Variants in SAMD12 observed in about 807,000 individuals in gnomAD.
SAMD12 encodes sterile alpha motif domain containing 12.
SAMD12 carries 9 observed loss-of-function variants against 15.0 expected under a neutral mutation model. The observed-to-expected ratio is 0.60, with a 90% CI of 0.36 to 1.05. The LOEUF is 1.05. Among genes scored for constraint, SAMD12 ranks in the 50% least tolerant of loss-of-function variants. The probability of loss-of-function intolerance (pLI) is 0.01; values close to 1 mark genes in which losing one functional copy is unlikely to be tolerated. For missense variants in SAMD12, 230 were observed against 234.2 expected (o/e 0.98, Z 0.12); for synonymous variants, 86 against 90.1 (o/e 0.96, Z 0.25).
chr8:118,580,797 G>T lies in SAMD12; in HGVS notation c.110C>A (p.Ser37Tyr), dbSNP rs759426370. 9.3e-6 allele frequency: 15 copies of T among 1,612,638 alleles called. No homozygotes were observed. Among genetic ancestry groups the T allele is most frequent in the Admixed American group, 5.0e-5 (3 of 59,938 alleles). Reference protein sequence around the residue: ...QIEGEGVESQSIKNKNFQKVP... With the variant: ...QIEGEGVESQYIKNKNFQKVP... ...CTTCTGGAAATTTTTATTTTTAATG[G>T]ATTGAGATTCCACACCTTCACCTTC... is the stretch of plus-strand genomic sequence containing the variant. The change falls in exon 2 of 4, where the codon TCC becomes TAC. Residue 37 changes from serine (S) to tyrosine (Y), a missense_variant. Transcript: ENST00000314727.
chr8:118,423,072 C>T (rs571989571), intron 3 of SAMD12, among the ~76,000 whole-genome samples: 99 of 152,248 alleles, frequency 6.5e-4, no homozygotes, highest in African/African-American at 1.9e-3. Context: ...CCCAGGTACT[C>T]GGGAGGCTGT....
rs955053261 is a variant in SAMD12, at chr8:118,434,808, A to C, written c.322+5024T>G. ...GTTCTAACCGTCTTATTCTTTTTAA[A>C]GTGTGCTTCTGGCCGGGCGCGGTGG... On this transcript the variant is annotated intron_variant, in intron 3 of 3. Transcript: ENST00000314727. 2.6e-5 allele frequency among the ~76,000 whole-genome samples: 4 copies of C among 151,928 alleles called. 1 individual carries two copies. Among genetic ancestry groups the C allele is most frequent in the African/African-American group, 9.7e-5 (4 of 41,402 alleles).
chr8:118,249,791 T>C (rs1812778890), intron 4 of SAMD12, among the ~76,000 whole-genome samples: 1 of 152,144 alleles, frequency 6.6e-6, no homozygotes, highest in African/African-American at 2.4e-5. Flanking sequence ...CTTAGAGTGA[T>C]TTTAGATGCA....
chr8:118,313,491 G>A (rs1020527096), intron 4 of SAMD12, among the ~76,000 whole-genome samples: 2 of 152,066 alleles, frequency 1.3e-5, no homozygotes, highest in Non-Finnish European at 1.5e-5. Flanking sequence ...TACCTGCAGT[G>A]ACTCTATTGG....
intron 4 of SAMD12, among the ~76,000 whole-genome samples, chr8:118,250,215 A>G (rs1323474319): frequency 4.6e-5 from 7 of 152,146 alleles, no homozygotes; most frequent in Admixed American, 4.6e-4. Flanking sequence ...AGTCCCATGG[A>G]ATAGAGATAA....
At chr8:118,618,470 A>C (rs551027238) in intron 1 of SAMD12, among the ~76,000 whole-genome samples, 4 of 152,336 alleles carry the variant, frequency 2.6e-5, no homozygotes, top group African/African-American at 9.6e-5. Flanking sequence ...TCCTAAGAGA[A>C]GGGATGAGAG....
intron 2 of SAMD12, among the ~76,000 whole-genome samples, chr8:118,506,914 G>T (rs1194769009): frequency 6.6e-6 from 1 of 151,906 alleles, no homozygotes; most frequent in Non-Finnish European, 1.5e-5. Context: ...TCATGAAGCT[G>T]TCTGGCAGTA....
At chr8:118,228,922 T>C (rs1563705560) in intron 4 of SAMD12, among the ~76,000 whole-genome samples, 1 of 152,160 alleles carries the variant, frequency 6.6e-6, no homozygotes, top group East Asian at 1.9e-4. Context: ...ATAAGGAAAC[T>C]GTGGTACATA....
In SAMD12 at chr8:118,398,872, G is replaced by GT. The variant is rs149842555; in HGVS notation, c.323-19173dup. ...GTATCAGTTATACTTCCATAAAGCT[G>GT]TTTTTTTTGTGTGTGTTTGTTTTTG... is the stretch of plus-strand genomic sequence containing the variant. On this transcript the variant is annotated intron_variant, in intron 3 of 3. Transcript: ENST00000314727. 3.5e-3 allele frequency among the ~76,000 whole-genome samples: 535 copies of GT among 151,804 alleles called. 5 individuals carry two copies. Among genetic ancestry groups the GT allele is most frequent in the African/African-American group, 0.012 (503 of 41,356 alleles).
chr8:118,475,655 G>C (rs1199678668), intron 2 of SAMD12, among the ~76,000 whole-genome samples: 1 of 152,116 alleles, frequency 6.6e-6, no homozygotes, highest in Non-Finnish European at 1.5e-5. Context: ...TGCCTCAAAG[G>C]GACTTAAATA....
intron 1 of SAMD12, among the ~76,000 whole-genome samples, chr8:118,588,640 C>A (rs1827507834): frequency 6.6e-6 from 1 of 152,154 alleles, no homozygotes; most frequent in Admixed American, 6.5e-5. Flanking sequence ...CCTGCAAAGA[C>A]TGAAATATTT....
At chr8:118,240,406 A>G (rs886096061) in intron 4 of SAMD12, among the ~76,000 whole-genome samples, 8 of 152,286 alleles carry the variant, frequency 5.3e-5, no homozygotes, top group African/African-American at 1.9e-4. Flanking sequence ...ACTCATACGA[A>G]ATTTAAGAAT....
At chr8:118,344,884 C>G (rs1817556522) in intron 4 of SAMD12, among the ~76,000 whole-genome samples, 1 of 152,154 alleles carries the variant, frequency 6.6e-6, no homozygotes, top group Admixed American at 6.5e-5. Flanking sequence ...CTGAAATATT[C>G]TTATCACCTA....
chr8:118,439,212 A>T (rs1240684025), intron 3 of SAMD12, among the ~76,000 whole-genome samples: 1 of 152,206 alleles, frequency 6.6e-6, no homozygotes, highest in Non-Finnish European at 1.5e-5. Context: ...TGGAATCGTT[A>T]TCTGTGCCTT....
chr8:118,532,439 G>A (rs1483916201), intron 2 of SAMD12, among the ~76,000 whole-genome samples: 3 of 152,128 alleles, frequency 2.0e-5, no homozygotes, highest in Non-Finnish European at 2.9e-5. Flanking sequence ...ATATCAGGAT[G>A]AGGCTGGCCT....
At chr8:118,543,631 C>CTTTCTTTTTTT (rs1826044882) in intron 2 of SAMD12, among the ~76,000 whole-genome samples, 2 of 116,632 alleles carry the variant, frequency 1.7e-5, no homozygotes, top group African/African-American at 3.6e-5. Flanking sequence ...TTCTTTCTTT[C>CTTTCTTTTTTT]TTTTTTTTTT....
intron 1 of SAMD12, among the ~76,000 whole-genome samples, chr8:118,606,278 A>T (rs1361210576): frequency 2.0e-5 from 3 of 152,154 alleles, no homozygotes; most frequent in Non-Finnish European, 4.4e-5. Context: ...CAATCATGGC[A>T]GCAATGATGG....
chr8:118,544,821 C>T (rs1826078716), intron 2 of SAMD12, among the ~76,000 whole-genome samples: 1 of 152,166 alleles, frequency 6.6e-6, no homozygotes, highest in African/African-American at 2.4e-5. Flanking sequence ...ATTTCAGAAA[C>T]ATTAAGGTGA....
At chr8:118,182,039 C>T in the SAMD12 span, among the ~76,000 whole-genome samples, 1 of 152,070 alleles carries the variant, frequency 6.6e-6, no homozygotes, top group African/African-American at 2.4e-5. Context: ...TCCACTTGGC[C>T]GCAGTAGTCT....
Sources: gnomAD v4.1 joint callset for allele counts (sites outside exome capture counted in the v4.1 genomes callset) on GRCh38, gnomAD v4.1.1 for gene constraint, MANE v1.5 for transcripts, NCBI Gene and HGNC (gene_info 2026-07-23, HGNC 2026-07-21) for gene names.